The following RIMBP2 variants were observed in gnomAD, a reference collection of about 807,000 sequenced individuals.
The protein encoded by RIMBP2 is RIMS binding protein 2.
A neutral mutation model predicts 118.6 loss-of-function variants in RIMBP2; 48 were observed. That is an observed-to-expected ratio of 0.40 (90% CI 0.32 to 0.51). RIMBP2 has a LOEUF of 0.51. Ranked by LOEUF, RIMBP2 falls within the 20% of genes least tolerant of loss-of-function variation. RIMBP2 has a pLI of 0.41. For synonymous variants in RIMBP2, 762 were observed against 742.9 expected (o/e 1.03, Z -0.42); for missense variants, 1,551 against 1,768.3 (o/e 0.88, Z 2.20).
At chr12:130,398,762 G>C (rs1185434944) in intron 22 of RIMBP2, 2 of 154,774 alleles carry the variant, frequency 1.3e-5, no homozygotes, top group African/African-American at 4.8e-5. Context: ...AAACATGTTT[G>C]TTAGGTTGTG....
intron 1 of RIMBP2, among the ~76,000 whole-genome samples, chr12:130,708,642 T>C (rs545384996): frequency 1.3e-5 from 2 of 152,192 alleles, no homozygotes; most frequent in Non-Finnish European, 2.9e-5. Context: ...ACCGGGATTA[T>C]GCCACTGCAC....
rs2050946927 is a variant in RIMBP2, at chr12:130,511,868, C to T, written c.-126-5098G>A. On this transcript the variant is annotated intron_variant, in intron 3 of 22. Coordinates refer to ENST00000690449, the MANE Select transcript of RIMBP2 (RefSeq NM_001393629.1). The surrounding 1 kb of genome is among the most constrained non-coding windows in gnomAD (Gnocchi z 4.3). ...CACACACGTCTCTGCTGGACAGGAG[C>T]CCCTGGGCCCTGGCTCCTTCTCCAG... Among the ~76,000 whole-genome samples the T allele has an allele frequency of 6.6e-6, 1 of 152,086 alleles. No homozygotes were observed. Among genetic ancestry groups the T allele is most frequent in the African/African-American group, 2.4e-5 (1 of 41,434 alleles).
intron 2 of RIMBP2, among the ~76,000 whole-genome samples, chr12:130,553,106 T>C (rs2055976543): frequency 6.7e-6 from 1 of 149,424 alleles, no homozygotes; most frequent in African/African-American, 2.5e-5. Context: ...TGAGCCGAGA[T>C]CGCACCACTG....
chr12:130,411,551 C>A (rs1404108660), intron 19 of RIMBP2, among the ~76,000 whole-genome samples: 1 of 105,418 alleles, frequency 9.5e-6, no homozygotes, highest in African/African-American at 2.9e-5. Flanking sequence ...AGAAAAATAG[C>A]ATAAAAAATT....
intron 1 of RIMBP2, among the ~76,000 whole-genome samples, chr12:130,704,172 A>G (rs2065987145): frequency 6.6e-6 from 1 of 152,126 alleles, no homozygotes; most frequent in Admixed American, 6.6e-5. Context: ...GTGCAGGAGG[A>G]GGGACGAGGA....
At position 130,432,316 on chromosome 12, in the gene RIMBP2, G is replaced by A. The variant is rs759398526; in HGVS notation, c.2253+2418C>T. 4 of 456,594 alleles carry A rather than the reference G, an allele frequency of 8.8e-6. 1 individual carries two copies. Among genetic ancestry groups the A allele is most frequent in the South Asian group, 6.2e-5 (4 of 64,554 alleles). 28.3% of individuals were successfully genotyped at this position (456,594 alleles called of 1,614,324 possible). On this transcript the variant is annotated intron_variant, in intron 14 of 22. Coordinates refer to ENST00000690449, the MANE Select transcript of RIMBP2 (RefSeq NM_001393629.1). ...AAAATTCTCAATTCTGTGGGCCTCA[G>A]TTTCCCTGTATACATAAAATAAGAG...
At chr12:130,633,617 A>G (rs904179991) in intron 1 of RIMBP2, among the ~76,000 whole-genome samples, 3 of 152,164 alleles carry the variant, frequency 2.0e-5, no homozygotes, top group Non-Finnish European at 4.4e-5. Context: ...TTAAGACCCA[A>G]AGGTTTAGAA....
chr12:130,455,502 G>C (rs2079359331), intron 7 of RIMBP2, among the ~76,000 whole-genome samples: 1 of 152,242 alleles, frequency 6.6e-6, no homozygotes, highest in Non-Finnish European at 1.5e-5. Context: ...GTCCCTGCCT[G>C]CTGGCCTCCC....
intron 1 of RIMBP2, among the ~76,000 whole-genome samples, chr12:130,678,379 G>C (rs76638913): frequency 2.9e-3 from 445 of 152,370 alleles, no homozygotes; most frequent in Non-Finnish European, 5.1e-3. Flanking sequence ...CGAGCGGATC[G>C]TAGTGCTGCT....
chr12:130,671,116 G>A (rs1331685085), intron 1 of RIMBP2, among the ~76,000 whole-genome samples: 2 of 152,156 alleles, frequency 1.3e-5, no homozygotes, highest in African/African-American at 2.4e-5. Context: ...GATGGGGCTG[G>A]TGCCACGTTT....
intron 17 of RIMBP2, among the ~76,000 whole-genome samples, chr12:130,418,835 C>T (rs1486161045): frequency 6.6e-6 from 1 of 152,174 alleles, no homozygotes; most frequent in Non-Finnish European, 1.5e-5. Flanking sequence ...CAAGTCCAAA[C>T]TCACATGGAC....
At chr12:130,543,145 GACT>G (rs2054762630) in intron 2 of RIMBP2, among the ~76,000 whole-genome samples, 1 of 152,204 alleles carries the variant, frequency 6.6e-6, no homozygotes, top group Admixed American at 6.5e-5. Context: ...CCAGAAAGAT[GACT>G]CTAACTTTCT....
intron 1 of RIMBP2, among the ~76,000 whole-genome samples, chr12:130,646,041 C>G (rs567154468): frequency 5.5e-5 from 8 of 146,692 alleles, no homozygotes; most frequent in African/African-American, 2.0e-4. Flanking sequence ...GCAGCCAGTT[C>G]CCTCTCCACC....
rs569943107 is a variant in RIMBP2, at chr12:130,532,149, T to C, written c.-216-14232A>G. Among the ~76,000 whole-genome samples the C allele has an allele frequency of 5.0e-3, 750 of 148,796 alleles. 6 individuals are homozygous for C. The highest frequency in any genetic ancestry group is 0.018 in the African/African-American group (705 of 39,478). On this transcript the variant is annotated intron_variant, in intron 2 of 22. Transcript: ENST00000690449. ...TGTAGCCTCTAGGAGTTACGTCTAA[T>C]GAGATGCGTGTGTTTAGCCTCTAGG...
At chr12:130,593,805 T>C (rs2059411907) in intron 2 of RIMBP2, among the ~76,000 whole-genome samples, 1 of 152,240 alleles carries the variant, frequency 6.6e-6, no homozygotes, top group Admixed American at 6.5e-5. Flanking sequence ...CATGGGTGGT[T>C]GAAAAATAAT....
At chr12:130,514,367 C>A (rs1165442909) in intron 3 of RIMBP2, among the ~76,000 whole-genome samples, 7 of 152,316 alleles carry the variant, frequency 4.6e-5, no homozygotes, top group African/African-American at 1.4e-4. Flanking sequence ...TTGAATCCTG[C>A]GGGAGCAGGG....
chr12:130,671,562 C>A (rs2064197333), intron 1 of RIMBP2, among the ~76,000 whole-genome samples: 1 of 152,180 alleles, frequency 6.6e-6, no homozygotes, highest in East Asian at 1.9e-4. Flanking sequence ...CCTCCCCACC[C>A]CAAAGATTTG....
chr12:130,592,670 T>C (rs567788052), intron 2 of RIMBP2, among the ~76,000 whole-genome samples: 1 of 123,386 alleles, frequency 8.1e-6, no homozygotes, highest in Non-Finnish European at 1.7e-5. Context: ...GCCTGGGCAA[T>C]AGAGACTCTG....
chr12:130,443,486 C>T (rs2078295907), intron 10 of RIMBP2, among the ~76,000 whole-genome samples: 2 of 152,116 alleles, frequency 1.3e-5, no homozygotes, highest in African/African-American at 2.4e-5. Context: ...CACAAGGTAC[C>T]CACAGACCCA....
Sources: gnomAD v4.1 joint callset for allele counts (sites outside exome capture counted in the v4.1 genomes callset) on GRCh38, gnomAD v4.1.1 for gene constraint, Gnocchi (gnomAD v3.1) non-coding constraint, MANE v1.5 for transcripts, NCBI Gene and HGNC (gene_info 2026-07-23, HGNC 2026-07-21) for gene names.